The following C6orf118 variants were observed in gnomAD, a reference collection of about 807,000 sequenced individuals.
C6orf118 encodes chromosome 6 open reading frame 118.
In C6orf118, 50 loss-of-function variants were observed where a neutral mutation model predicts 50.2. The observed-to-expected ratio is 1.00, with a 90% CI of 0.79 to 1.26. The LOEUF (loss-of-function observed/expected upper bound fraction) is 1.26, where lower values mean the gene tolerates loss of function less well. C6orf118 is among the 50% of genes most tolerant of loss of function. The pLI is 0.00. For missense variants in C6orf118, 641 were observed against 578.7 expected (o/e 1.11, Z -1.10); for synonymous variants, 239 against 230.9 (o/e 1.03, Z -0.32).
At position 165,301,805 on chromosome 6, in the gene C6orf118, T is replaced by TGCGCCATCCAGGAGG. The variant is rs1562335629; in HGVS notation, c.502_516dup (p.Pro168_Arg172dup). On this transcript the variant is annotated inframe_insertion, in exon 2 of 9. Transcript: ENST00000230301. ...TCGGGCAGCCGGAGTTCTTCCCTCC[T>TGCGCCATCCAGGAGG]GCGCCATCCAGGAGGGCCCCGTCCA... is the stretch of plus-strand genomic sequence containing the variant. The TGCGCCATCCAGGAGG allele has an allele frequency of 6.2e-7, 1 of 1,613,926 alleles. No homozygotes were observed. The highest frequency in any genetic ancestry group is 8.5e-7 in the Non-Finnish European group (1 of 1,179,960).
intron 3 of C6orf118, 93 bp downstream of exon 3, chr6:165,300,271 C>A: frequency 6.8e-7 from 1 of 1,473,458 alleles, no homozygotes; most frequent in Non-Finnish European, 9.3e-7. Flanking sequence ...CCTGTGATAC[C>A]TAGCAGAATT....
chr6:165,293,201 T>A, intron 6 of C6orf118: 1 of 527,816 alleles, frequency 1.9e-6, no homozygotes, highest in Non-Finnish European at 3.5e-6. Context: ...CATGTAATAA[T>A]GAAAAGATGA....
At chr6:165,296,437 C>T (rs584013) in intron 5 of C6orf118, among the ~76,000 whole-genome samples, 48,490 of 151,462 alleles carry the variant, frequency 0.32, 8,051 homozygotes, top group South Asian at 0.4. Flanking sequence ...CAGGGATCAC[C>T]CACTATGAGA....
chr6:165,301,716 G>A lies in C6orf118; in HGVS notation c.606C>T (p.Val202=), dbSNP rs376679255. The part of the protein sequence containing the change: ...SRGTRDRHHY[V]SSYLAGATSA... ...TGGTGGCTCCGGCCAGGTAGGAGCT[G>A]ACATAGTGGTGCCGGTCCCTGGTGC... Residue 202 remains valine (V), a synonymous_variant, in exon 2 of 9, where the codon GTC becomes GTT. Coordinates refer to ENST00000230301, the MANE Select transcript of C6orf118 (RefSeq NM_144980.4). The A allele has an allele frequency of 2.0e-5, 32 of 1,614,042 alleles. No individual in the cohort carries two copies. Among genetic ancestry groups the A allele is most frequent in the African/African-American group, 2.7e-5 (2 of 74,910 alleles).
intron 6 of C6orf118, chr6:165,293,128 A>G (rs1780162660): frequency 5.5e-6 from 2 of 361,404 alleles, no homozygotes; most frequent in African/African-American, 2.0e-5. Context: ...AAATGTTAAT[A>G]TCTATTTCAT....
At chr6:165,306,616 G>C (rs1306091532) in intron 1 of C6orf118, among the ~76,000 whole-genome samples, 1 of 144,012 alleles carries the variant, frequency 6.9e-6, no homozygotes, top group Non-Finnish European at 1.5e-5. Context: ...ATTCGTCAAA[G>C]GCATGAACAC....
At chr6:165,296,246 T>G (rs1780295676) in intron 5 of C6orf118, among the ~76,000 whole-genome samples, 1 of 105,336 alleles carries the variant, frequency 9.5e-6, no homozygotes, top group African/African-American at 4.9e-5. Context: ...TGTTTTCGTT[T>G]TTTGTTTTTT....
chr6:165,299,485 G>A lies in C6orf118; in HGVS notation c.894C>T (p.Tyr298=), dbSNP rs765735451. 6 of 1,613,940 alleles carry A rather than the reference G, an allele frequency of 3.7e-6. No homozygotes were observed. The highest frequency in any genetic ancestry group is 5.1e-6 in the Non-Finnish European group (6 of 1,179,998). ...LKKVKDEYEL[Y]MATLLESQPA... Reference sequence around the variant, plus strand: ...GCTGGGACTCCAGGAGCGTTGCCATGTAGAGTTCATATTCATCCTGTACAG... The same window carrying A: ...GCTGGGACTCCAGGAGCGTTGCCATATAGAGTTCATATTCATCCTGTACAG... The change falls in exon 4 of 9, where the codon TAC becomes TAT. Residue 298 remains tyrosine (Y), a synonymous_variant. Transcript: ENST00000230301.
In C6orf118 at chr6:165,280,049, C is replaced by T; in HGVS notation, c.*8G>A. ...TTTCCACTGGCCATTTGTTCAGCCA[C>T]TTGAGCGTTATCTTCTGTTTCCTCT... On this transcript the variant is annotated 3_prime_UTR_variant, in exon 9 of 9. Coordinates refer to ENST00000230301, the MANE Select transcript of C6orf118 (RefSeq NM_144980.4). 1 of 1,602,810 alleles carries T rather than the reference C, an allele frequency of 6.2e-7. No homozygotes were observed. Among genetic ancestry groups the T allele is most frequent in the Non-Finnish European group, 8.5e-7 (1 of 1,177,310 alleles).
intron 5 of C6orf118, among the ~76,000 whole-genome samples, chr6:165,294,741 T>C (rs1780231834): frequency 6.6e-6 from 1 of 151,736 alleles, no homozygotes; most frequent in Non-Finnish European, 1.5e-5. Context: ...AATACAAAAA[T>C]TAGTCAGGTG....
intron 1 of C6orf118, among the ~76,000 whole-genome samples, chr6:165,306,382 C>A (rs919143374): frequency 8.8e-6 from 1 of 113,016 alleles, no homozygotes; most frequent in Non-Finnish European, 1.8e-5. Context: ...CTAGATGACA[C>A]GTTAGTGGGT....
intron 3 of C6orf118, among the ~76,000 whole-genome samples, chr6:165,300,107 G>A (rs893293676): frequency 1.3e-5 from 2 of 151,986 alleles, no homozygotes; most frequent in African/African-American, 2.4e-5. Context: ...ATTTATAAAC[G>A]GTTATGCATA....
chr6:165,298,207 T>C, intron 4 of C6orf118, 106 bp from the exon 5 acceptor site: 1 of 1,366,974 alleles, frequency 7.3e-7, no homozygotes, highest in Middle Eastern at 2.5e-4. Flanking sequence ...TGGGTTAACA[T>C]ATAAGTTCTA....
intron 1 of C6orf118, among the ~76,000 whole-genome samples, chr6:165,308,636 T>C (rs1780831261): frequency 6.6e-6 from 1 of 152,162 alleles, no homozygotes; most frequent in African/African-American, 2.4e-5. Context: ...CCCCAAGGAC[T>C]GAAAGACCCC....
chr6:165,282,676 G>A (rs893440717), intron 7 of C6orf118, among the ~76,000 whole-genome samples: 2 of 125,894 alleles, frequency 1.6e-5, no homozygotes, highest in Non-Finnish European at 3.3e-5. Flanking sequence ...GTTGGAAATA[G>A]TCTATTTGAA....
rs773166200 is a variant in C6orf118, at chr6:165,289,893, C to A, written c.1295G>T (p.Ser432Ile). The change falls in exon 7 of 9, where the codon AGC becomes ATC. Residue 432 changes from serine (S) to isoleucine (I), a missense_variant. Transcript: ENST00000230301. ...AATAAATAAGTTGCGTACCTCTATG[C>A]TTTTAATCCTATTCTCAGTGATATC... ...ISDITENRIK[S>I]IEHEAIQLET... 6.3e-7 allele frequency: 1 copy of A among 1,591,786 alleles called. No individual in the cohort carries two copies. The highest frequency in any genetic ancestry group is 1.4e-5 in the African/African-American group (1 of 73,690).
chr6:165,302,943 T>C (rs1182799610), intron 1 of C6orf118, among the ~76,000 whole-genome samples: 3 of 152,216 alleles, frequency 2.0e-5, no homozygotes, highest in Non-Finnish European at 4.4e-5. Context: ...AAGAGACGCT[T>C]CATAAATTCT....
At chr6:165,288,525 G>A (rs1186242754) in intron 7 of C6orf118, among the ~76,000 whole-genome samples, 2 of 152,132 alleles carry the variant, frequency 1.3e-5, no homozygotes, top group Non-Finnish European at 2.9e-5. Flanking sequence ...CAAAGACATG[G>A]AATGAACCCA....
At position 165,298,052 on chromosome 6, in the gene C6orf118, G is replaced by A. The variant is rs768763065; in HGVS notation, c.986C>T (p.Ala329Val). ...CTCTTCCCTGGCGAGATCCATGTCC[G>A]CCGTCTTCACCGGCCTCTGCCCCAG... Reference protein sequence around the residue: ...KALGQRPVKTADMDLAREELR... With the variant: ...KALGQRPVKTVDMDLAREELR... Residue 329 changes from alanine (A) to valine (V), a missense_variant, in exon 5 of 9, where the codon GCG (alanine) becomes GTG (valine). Ala to Val is a moderately conservative substitution (Grantham distance 64). Transcript: ENST00000230301. The A allele has an allele frequency of 1.1e-5, 18 of 1,612,784 alleles. No individual in the cohort carries two copies. Among genetic ancestry groups the A allele is most frequent in the African/African-American group, 4.0e-5 (3 of 74,868 alleles).
Sources: allele counts gnomAD v4.1 joint callset (sites outside exome capture counted in the v4.1 genomes callset), GRCh38; gene constraint gnomAD v4.1.1; transcripts MANE v1.5; gene names NCBI Gene and HGNC (gene_info 2026-07-23, HGNC 2026-07-21).